Variants in ZBTB2 observed in about 807,000 individuals in gnomAD.
ZBTB2 encodes zinc finger and BTB domain containing 2, also known as zinc finger and BTB domain-containing protein 2.
A neutral mutation model predicts 39.5 loss-of-function variants in ZBTB2; 2 were observed. The observed-to-expected ratio is 0.05, with a 90% CI of 0.02 to 0.16. The LOEUF (loss-of-function observed/expected upper bound fraction) is 0.16, where lower values mean the gene tolerates loss of function less well. ZBTB2 is among the 10% of genes least tolerant of loss of function. The probability of loss-of-function intolerance (pLI) is 1.00; values close to 1 mark genes in which losing one functional copy is unlikely to be tolerated. For missense variants in ZBTB2, 391 were observed against 653.0 expected, an observed-to-expected ratio of 0.60 and a Z score of 4.37; for synonymous variants, 251 against 256.6, an observed-to-expected ratio of 0.98 and a Z score of 0.21.
intron 1 of ZBTB2, among the ~76,000 whole-genome samples, chr6:151,382,224 A>G (rs1446767683): frequency 6.6e-6 from 1 of 152,166 alleles, no homozygotes; most frequent in African/African-American, 2.4e-5. Context: ...AAATCTTATT[A>G]TGGGTACATG....
chr6:151,388,429 T>C (rs139799382), intron 1 of ZBTB2, among the ~76,000 whole-genome samples: 41 of 152,378 alleles, frequency 2.7e-4, no homozygotes, highest in South Asian at 4.1e-4. Flanking sequence ...CTCTATTTTG[T>C]AAGTCTCAAA....
At chr6:151,387,629 G>C (rs1007658927) in intron 1 of ZBTB2, among the ~76,000 whole-genome samples, 1 of 152,152 alleles carries the variant, frequency 6.6e-6, no homozygotes, top group Non-Finnish European at 1.5e-5. Context: ...CTGTTTAAGA[G>C]AACAGTACAC....
intron 1 of ZBTB2, among the ~76,000 whole-genome samples, chr6:151,383,543 C>T (rs1213300849): frequency 2.0e-5 from 3 of 152,156 alleles, no homozygotes; most frequent in Non-Finnish European, 4.4e-5. Context: ...AGTTTCGTCT[C>T]CCAGAAGGTC....
chr6:151,379,136 T>C (rs1330755564), intron 1 of ZBTB2, among the ~76,000 whole-genome samples: 1 of 152,242 alleles, frequency 6.6e-6, no homozygotes, highest in Non-Finnish European at 1.5e-5. Flanking sequence ...ACACACAAAA[T>C]GTGAGATTTT....
chr6:151,378,632 C>T (rs985620678), intron 1 of ZBTB2, among the ~76,000 whole-genome samples: 5 of 152,186 alleles, frequency 3.3e-5, no homozygotes, highest in African/African-American at 1.2e-4. Context: ...TCTTACTAAC[C>T]TGCTTTTCTC....
At chr6:151,378,063 C>G (rs1477640085) in intron 1 of ZBTB2, 1 of 152,052 alleles carries the variant, frequency 6.6e-6, no homozygotes, top group East Asian at 1.9e-4. Context: ...GATCTGTAAC[C>G]AAACAATCGC....
At chr6:151,377,370 T>A (rs908523508) in intron 1 of ZBTB2, among the ~76,000 whole-genome samples, 4 of 126,366 alleles carry the variant, frequency 3.2e-5, no homozygotes, top group African/African-American at 1.6e-4. Context: ...TAAAGTTCAA[T>A]TTTTTTTTTT....
intron 1 of ZBTB2, among the ~76,000 whole-genome samples, chr6:151,384,544 A>C (rs1317785660): frequency 6.6e-6 from 1 of 152,230 alleles, no homozygotes; most frequent in Non-Finnish European, 1.5e-5. Flanking sequence ...AGTCAGATGA[A>C]GGAGAATGGA....
chr6:151,376,689 C>G (rs557251246), intron 1 of ZBTB2, among the ~76,000 whole-genome samples: 32 of 152,282 alleles, frequency 2.1e-4, no homozygotes, highest in Middle Eastern at 3.4e-3. Context: ...AAGAAACAGT[C>G]ACAACACATG....
chr6:151,389,896 T>C (rs1339676655), intron 1 of ZBTB2, among the ~76,000 whole-genome samples: 1 of 152,118 alleles, frequency 6.6e-6, no homozygotes, highest in East Asian at 1.9e-4. Flanking sequence ...CAGCTTCCTT[T>C]GCAGCTTCTG....
intron 2 of ZBTB2, among the ~76,000 whole-genome samples, chr6:151,370,550 C>T (rs1475553060): frequency 6.6e-6 from 1 of 152,150 alleles, no homozygotes; most frequent in African/African-American, 2.4e-5. Flanking sequence ...CTTAGAAAGG[C>T]CTCTCCCTCA....
intron 1 of ZBTB2, among the ~76,000 whole-genome samples, 194 bp from the exon 2 acceptor site, chr6:151,373,843 TA>T (rs200070063): frequency 0.033 from 1,486 of 45,658 alleles, 4 homozygotes; most frequent in Non-Finnish European, 0.046. Flanking sequence ...ATTATGCCTT[TA>T]AAAAAAAAAA....
intron 1 of ZBTB2, among the ~76,000 whole-genome samples, chr6:151,388,183 A>G (rs751005973): frequency 1.3e-5 from 2 of 152,150 alleles, no homozygotes; most frequent in African/African-American, 2.4e-5. Flanking sequence ...GACCTTTCCC[A>G]GGTGCATTTG....
chr6:151,389,200 T>A (rs1582926572), intron 1 of ZBTB2, among the ~76,000 whole-genome samples: 3 of 152,052 alleles, frequency 2.0e-5, no homozygotes, highest in African/African-American at 4.8e-5. Context: ...GGCGGGAGGA[T>A]CACTTGAGCC....
chr6:151,387,609 C>T lies in ZBTB2; in HGVS notation c.-13+3811G>A, dbSNP rs950850777. ...TTACCCTGCTTGGTGCAGAACTTAG[C>T]GAGTGCCCCCTGTTTAAGAGAACAG... On this transcript the variant is annotated intron_variant, in intron 1 of 2. Transcript: ENST00000325144. 3.3e-5 allele frequency among the ~76,000 whole-genome samples: 5 copies of T among 151,784 alleles called. No individual in the cohort carries two copies. In the South Asian group the frequency reaches 6.2e-4, roughly 19 times the overall value.
intron 2 of ZBTB2, among the ~76,000 whole-genome samples, chr6:151,368,866 T>C (rs1778714432): frequency 6.7e-6 from 1 of 149,850 alleles, no homozygotes; most frequent in Non-Finnish European, 1.5e-5. Context: ...CAGGTTCAAG[T>C]GATTCTTCTG....
chr6:151,387,796 G>C (rs1416630339), intron 1 of ZBTB2, among the ~76,000 whole-genome samples: 1 of 152,176 alleles, frequency 6.6e-6, no homozygotes, highest in Non-Finnish European at 1.5e-5. Context: ...TGGGGGTTAT[G>C]AGTTTGAGCA....
Position 151,365,352 on chromosome 6 carries a change from A to G in ZBTB2, c.*169T>C. On this transcript the variant is annotated 3_prime_UTR_variant, in exon 3 of 3. Transcript: ENST00000325144. The surrounding 1 kb of genome is among the most constrained non-coding windows in gnomAD (Gnocchi z 5.6). ...AAAGTCGATACATTCCAGGTTTATA[A>G]TGCACAAAGCCTTTACAGAGGTGGG... 2 of 711,578 alleles carry G rather than the reference A, an allele frequency of 2.8e-6. No homozygotes were observed. Among genetic ancestry groups the G allele is most frequent in the Non-Finnish European group, 4.5e-6 (2 of 439,908 alleles). 44.1% of individuals were successfully genotyped at this position (711,578 alleles called of 1,614,324 possible).
At chr6:151,388,202 T>C (rs1406628240) in intron 1 of ZBTB2, among the ~76,000 whole-genome samples, 2 of 152,236 alleles carry the variant, frequency 1.3e-5, no homozygotes, top group Non-Finnish European at 2.9e-5. Context: ...TGGTATTTTA[T>C]GGTAAAAAAA....
Sources: gnomAD v4.1 joint callset for allele counts (sites outside exome capture counted in the v4.1 genomes callset) on GRCh38, gnomAD v4.1.1 for gene constraint, Gnocchi (gnomAD v3.1) non-coding constraint, MANE v1.5 for transcripts, NCBI Gene and HGNC (gene_info 2026-07-23, HGNC 2026-07-21) for gene names.